RALYL: variants seen among roughly 807,000 people sequenced by gnomAD.
The protein encoded by RALYL is RNA-binding Raly-like protein.
A neutral mutation model predicts 35.1 loss-of-function variants in RALYL; 29 were observed. The observed-to-expected ratio is 0.83, with a 90% CI of 0.61 to 1.13. RALYL has a LOEUF of 1.13. Ranked by LOEUF, RALYL falls within the 50% of genes most tolerant of loss-of-function variation. The pLI is 0.00. For missense variants in RALYL, 359 were observed against 360.4 expected, an observed-to-expected ratio of 1.00 and a Z score of 0.03; for synonymous variants, 120 against 127.6, an observed-to-expected ratio of 0.94 and a Z score of 0.40.
At chr8:84,602,160 T>G (rs955997810) in intron 2 of RALYL, among the ~76,000 whole-genome samples, 1 of 152,122 alleles carries the variant, frequency 6.6e-6, no homozygotes, top group African/African-American at 2.4e-5. Context: ...AAGCTGTATT[T>G]CTAGATCTTT....
chr8:84,581,099 G>T (rs1041975227), intron 2 of RALYL, among the ~76,000 whole-genome samples: 3 of 152,140 alleles, frequency 2.0e-5, no homozygotes, highest in Admixed American at 6.6e-5. Flanking sequence ...TGGGGCTCAG[G>T]ACTCCAAGTG....
chr8:84,600,992 T>A (rs2130739448), intron 2 of RALYL, among the ~76,000 whole-genome samples: 1 of 152,250 alleles, frequency 6.6e-6, no homozygotes, highest in Non-Finnish European at 1.5e-5. Flanking sequence ...CTATAATGTA[T>A]AAACTATGTG....
At chr8:84,500,316 A>G (rs2056518887) in intron 1 of RALYL, among the ~76,000 whole-genome samples, 1 of 152,140 alleles carries the variant, frequency 6.6e-6, no homozygotes, top group South Asian at 2.1e-4. Context: ...ATAACATAAC[A>G]TCTACAATCA....
intron 1 of RALYL, among the ~76,000 whole-genome samples, chr8:84,323,954 T>A (rs532472250): frequency 1.1e-4 from 16 of 152,104 alleles, no homozygotes; most frequent in African/African-American, 3.9e-4. Flanking sequence ...ATAATTATCC[T>A]TTAAATGTTT....
chr8:84,277,702 C>T (rs1479773083), intron 1 of RALYL, among the ~76,000 whole-genome samples: 1 of 152,212 alleles, frequency 6.6e-6, no homozygotes, highest in East Asian at 1.9e-4. Flanking sequence ...TTGGCCACAA[C>T]ACAGGGATTA....
chr8:84,862,593 G>T, intron 6 of RALYL, 140 bp downstream of exon 6: 1 of 659,604 alleles, frequency 1.5e-6, no homozygotes, highest in Non-Finnish European at 2.3e-6. Context: ...TCATAAGATG[G>T]ATAAAAAATG....
intron 2 of RALYL, among the ~76,000 whole-genome samples, chr8:84,626,028 A>C (rs1334876393): frequency 2.0e-5 from 3 of 152,302 alleles, no homozygotes; most frequent in East Asian, 3.9e-4. Flanking sequence ...AATATAGCAG[A>C]GTTAGCAAAG....
At chr8:84,236,652 G>T (rs2131509049) in intron 1 of RALYL, among the ~76,000 whole-genome samples, 1 of 152,266 alleles carries the variant, frequency 6.6e-6, no homozygotes, top group Non-Finnish European at 1.5e-5. Context: ...CTCTGTGTGT[G>T]CCAGACACAG....
At chr8:84,469,681 C>T (rs2052386581) in intron 1 of RALYL, among the ~76,000 whole-genome samples, 1 of 152,196 alleles carries the variant, frequency 6.6e-6, no homozygotes, top group African/African-American at 2.4e-5. Context: ...TTCGAGCTTC[C>T]CAGCTGCTTT....
intron 1 of RALYL, among the ~76,000 whole-genome samples, chr8:84,251,938 T>G (rs1268290755): frequency 6.6e-6 from 1 of 152,074 alleles, no homozygotes; most frequent in Non-Finnish European, 1.5e-5. Context: ...GTTTTTTGTT[T>G]GTTTGTTTCT....
At chr8:84,187,869 A>T (rs1812912231) in intron 1 of RALYL, among the ~76,000 whole-genome samples, 1 of 152,046 alleles carries the variant, frequency 6.6e-6, no homozygotes, top group Non-Finnish European at 1.5e-5. Context: ...AAGTGTGGTC[A>T]TGTTTTGTTT....
chr8:84,623,874 G>C (rs1402746195), intron 2 of RALYL, among the ~76,000 whole-genome samples: 1 of 152,134 alleles, frequency 6.6e-6, no homozygotes, highest in African/African-American at 2.4e-5. Flanking sequence ...CAACAGGAAG[G>C]GACCAATGGC....
chr8:84,760,504 C>T (rs768928688), intron 2 of RALYL, among the ~76,000 whole-genome samples: 13 of 151,934 alleles, frequency 8.6e-5, no homozygotes, highest in South Asian at 2.1e-4. Context: ...GATATTGAGA[C>T]GAAAAGAAAA....
intron 1 of RALYL, among the ~76,000 whole-genome samples, chr8:84,518,889 G>C (rs896191302): frequency 2.0e-4 from 30 of 152,104 alleles, no homozygotes; most frequent in African/African-American, 4.1e-4. Flanking sequence ...TATTAACTAG[G>C]ACTGAGTGAA....
chr8:84,918,931 C>A (rs1405406642), intron 8 of RALYL, among the ~76,000 whole-genome samples: 2 of 151,894 alleles, frequency 1.3e-5, no homozygotes, highest in African/African-American at 4.8e-5. Context: ...TTATTTACAA[C>A]TAAGAAGCAA....
In RALYL at chr8:84,311,033, G is replaced by A. The variant is rs1184697310; in HGVS notation, c.-24+126609G>A. On this transcript the variant is annotated intron_variant, in intron 1 of 8. Transcript: ENST00000521268. ...CTGCAGTCCGCAGTCCGACCTGGGC[G>A]ACAGAGCGAGACTCCGTCTCAAAAA... Among the ~76,000 whole-genome samples the A allele has an allele frequency of 4.8e-4, 40 of 83,454 alleles. No individual in the cohort carries two copies. The Admixed American group carries it at 6.2e-3, about 13-fold the overall frequency. The allele number at this position is 83,454 out of a possible 152,430, so 54.7% of individuals were successfully genotyped here.
intron 1 of RALYL, among the ~76,000 whole-genome samples, chr8:84,212,687 G>A (rs952373730): frequency 4.6e-5 from 7 of 152,056 alleles, no homozygotes; most frequent in African/African-American, 1.7e-4. Flanking sequence ...TGTATAAATA[G>A]AAATCTTTCC....
chr8:84,556,856 A>G (rs1252200), intron 2 of RALYL, among the ~76,000 whole-genome samples: 104,807 of 151,918 alleles, frequency 0.69, 37,282 homozygotes, highest in East Asian at 0.86. Flanking sequence ...AACACCGACC[A>G]CACCGACCAA....
At chr8:84,465,245 G>T (rs2051417389) in intron 1 of RALYL, among the ~76,000 whole-genome samples, 1 of 124,848 alleles carries the variant, frequency 8.0e-6, no homozygotes, top group African/African-American at 3.0e-5. Context: ...GTAATGCCTA[G>T]GTTTTCTTCT....
Sources: gnomAD v4.1 joint callset for allele counts (sites outside exome capture counted in the v4.1 genomes callset) on GRCh38, gnomAD v4.1.1 for gene constraint, MANE v1.5 for transcripts, NCBI Gene and HGNC (gene_info 2026-07-23, HGNC 2026-07-21) for gene names.